RSBN1L: variants seen among roughly 807,000 people sequenced by gnomAD.
RSBN1L encodes the protein lysine-specific demethylase RSBN1L.
Under a neutral mutation model 67.7 loss-of-function variants are expected in RSBN1L, and 30 were observed. The ratio of observed to expected loss-of-function variants is 0.44; its 90% CI spans 0.33 to 0.60. The LOEUF (loss-of-function observed/expected upper bound fraction) is 0.60. Among genes scored for constraint, RSBN1L ranks in the 20% least tolerant of loss-of-function variants. RSBN1L has a pLI of 0.02. For missense variants in RSBN1L, 992 were observed against 1,031.7 expected, an observed-to-expected ratio of 0.96 and a Z score of 0.53; for synonymous variants, 433 against 387.0, an observed-to-expected ratio of 1.12 and a Z score of -1.39.
intron 2 of RSBN1L, among the ~76,000 whole-genome samples, chr7:77,746,135 T>C (rs987388574): frequency 6.6e-6 from 1 of 152,096 alleles, no homozygotes; most frequent in Non-Finnish European, 1.5e-5. Flanking sequence ...TAAAGGATAG[T>C]GTATTAGTCC....
intron 3 of RSBN1L, among the ~76,000 whole-genome samples, 164 bp from the exon 4 acceptor site, chr7:77,765,331 A>G (rs1444376142): frequency 6.6e-6 from 1 of 152,252 alleles, no homozygotes; most frequent in Non-Finnish European, 1.5e-5. Context: ...TACTGTTAGT[A>G]AAGTTTTGTT....
At chr7:77,711,246 T>A (rs1002059092) in intron 1 of RSBN1L, among the ~76,000 whole-genome samples, 4 of 152,098 alleles carry the variant, frequency 2.6e-5, no homozygotes, top group Non-Finnish European at 5.9e-5. Flanking sequence ...TTATCAGAAT[T>A]GCCATTTTGT....
At chr7:77,768,553 A>T in intron 4 of RSBN1L, 108 bp from the exon 5 acceptor site, 1 of 918,416 alleles carries the variant, frequency 1.1e-6, no homozygotes, top group Non-Finnish European at 1.7e-6. Context: ...GCTTAAGTAT[A>T]AAGCTGTGTA....
intron 1 of RSBN1L, among the ~76,000 whole-genome samples, chr7:77,698,794 A>G (rs1790774431): frequency 6.6e-6 from 1 of 152,068 alleles, no homozygotes; most frequent in Non-Finnish European, 1.5e-5. Context: ...TATTAACACT[A>G]CTGTAAGATT....
chr7:77,704,951 G>T (rs1235860671), intron 1 of RSBN1L, among the ~76,000 whole-genome samples: 1 of 151,460 alleles, frequency 6.6e-6, no homozygotes. Flanking sequence ...GACCCTGGGC[G>T]ACAGGCAACA....
At chr7:77,768,494 C>T (rs141876709) in intron 4 of RSBN1L, 167 bp from the exon 5 acceptor site, 621 of 618,026 alleles carry the variant, frequency 1.0e-3, no homozygotes, top group South Asian at 1.5e-3. Flanking sequence ...TTTTTTGAAG[C>T]AAAGTATATC....
At chr7:77,769,147 T>C (rs943576191) in intron 5 of RSBN1L, among the ~76,000 whole-genome samples, 45 of 152,356 alleles carry the variant, frequency 3.0e-4, no homozygotes, top group African/African-American at 9.6e-4. Flanking sequence ...AAAGCCCTGC[T>C]GTGTTCTGGA....
At chr7:77,734,672 A>T (rs905820030) in intron 1 of RSBN1L, among the ~76,000 whole-genome samples, 40 of 152,074 alleles carry the variant, frequency 2.6e-4, no homozygotes, top group Non-Finnish European at 3.2e-4. Flanking sequence ...TATTTTTAGT[A>T]TAGATGGGGT....
At chr7:77,736,022 A>G (rs774207632) in intron 1 of RSBN1L, among the ~76,000 whole-genome samples, 7 of 152,148 alleles carry the variant, frequency 4.6e-5, no homozygotes, top group Non-Finnish European at 1.0e-4. Context: ...AGATTAGGAA[A>G]CTGAGATCAA....
chr7:77,716,622 A>ATT (rs1562795819), intron 1 of RSBN1L, among the ~76,000 whole-genome samples: 1 of 101,294 alleles, frequency 9.9e-6, no homozygotes, highest in African/African-American at 3.7e-5. Context: ...GTGTATCTTC[A>ATT]TCTTTTTTTT....
chr7:77,757,210 C>A (rs1239821177), intron 3 of RSBN1L, among the ~76,000 whole-genome samples: 2 of 152,194 alleles, frequency 1.3e-5, no homozygotes, highest in South Asian at 4.1e-4. Flanking sequence ...ATTTTTACAT[C>A]TGTTCAACTT....
rs746762534 is a variant in RSBN1L at position 77,781,083 on chromosome 7, C to T, written c.*1915C>T. ...AAACTGCTTATATTTCTGGTTAGGG[C>T]GAAGCCATTTAGGAAGAAGCATTTC... On this transcript the variant is annotated 3_prime_UTR_variant, in exon 8 of 8. Transcript: ENST00000334955. The T allele has an allele frequency of 3.2e-4, 49 of 152,076 alleles. No homozygotes were observed. The highest frequency in any genetic ancestry group is 1.1e-3 in the African/African-American group (45 of 41,394). 9.4% of individuals were successfully genotyped at this position (152,076 alleles called of 1,614,324 possible).
intron 1 of RSBN1L, among the ~76,000 whole-genome samples, chr7:77,715,035 G>A (rs1168017390): frequency 6.6e-6 from 1 of 151,874 alleles, no homozygotes; most frequent in Admixed American, 6.6e-5. Context: ...ACTTTGGTAG[G>A]CTGATATGGG....
chr7:77,705,827 A>G (rs1268568895), intron 1 of RSBN1L, among the ~76,000 whole-genome samples: 2 of 152,062 alleles, frequency 1.3e-5, no homozygotes, highest in Non-Finnish European at 1.5e-5. Flanking sequence ...TTATATTTGC[A>G]TTTAGCTTGT....
intron 1 of RSBN1L, among the ~76,000 whole-genome samples, chr7:77,725,464 C>G (rs1431874205): frequency 1.6e-5 from 2 of 124,724 alleles, no homozygotes; most frequent in Non-Finnish European, 3.3e-5. Context: ...CGAGGCTGGT[C>G]TCGAACTCCT....
At chr7:77,713,636 G>A (rs1289628799) in intron 1 of RSBN1L, among the ~76,000 whole-genome samples, 3 of 150,768 alleles carry the variant, frequency 2.0e-5, no homozygotes, top group South Asian at 2.1e-4. Flanking sequence ...GATTACAGGC[G>A]TGAGCCACCA....
intron 3 of RSBN1L, among the ~76,000 whole-genome samples, chr7:77,752,226 A>C (rs954727951): frequency 8.5e-5 from 13 of 152,152 alleles, no homozygotes; most frequent in Middle Eastern, 3.2e-3. Flanking sequence ...GCAAAGAGGA[A>C]ACTCCAGGCA....
chr7:77,763,148 A>AG (rs1791717298), intron 3 of RSBN1L, among the ~76,000 whole-genome samples: 2 of 103,028 alleles, frequency 1.9e-5, no homozygotes, highest in African/African-American at 9.0e-5. Context: ...ATATAATTTG[A>AG]CTTTTTTTTT....
At chr7:77,714,690 C>T (rs1227192770) in intron 1 of RSBN1L, among the ~76,000 whole-genome samples, 4 of 151,950 alleles carry the variant, frequency 2.6e-5, no homozygotes, top group South Asian at 2.1e-4. Context: ...TGGCCGGGCA[C>T]GGTGGCTCAC....
Sources: allele counts gnomAD v4.1 joint callset (sites outside exome capture counted in the v4.1 genomes callset), GRCh38; gene constraint gnomAD v4.1.1; transcripts MANE v1.5; gene names NCBI Gene and HGNC (gene_info 2026-07-23, HGNC 2026-07-21).